The following TRMT9B variants were observed in gnomAD, a reference collection of about 807,000 sequenced individuals.
The protein encoded by TRMT9B is tRNA methyltransferase 9B (putative).
Under a neutral mutation model 11.5 loss-of-function variants are expected in TRMT9B, and 16 were observed. The observed-to-expected ratio is 1.39, with a 90% CI of 0.94 to 2.11. The LOEUF (loss-of-function observed/expected upper bound fraction) is 2.11. TRMT9B is among the 30% of genes most tolerant of loss of function. The pLI is 0.00. For missense variants in TRMT9B, 941 were observed against 553.8 expected, an observed-to-expected ratio of 1.70 and a Z score of -7.02; for synonymous variants, 274 against 192.4, an observed-to-expected ratio of 1.42 and a Z score of -3.51.
Position 13,025,643 on chromosome 8 carries a change from A to G in TRMT9B, c.*3599A>G, listed in dbSNP as rs966626851. On this transcript the variant is annotated 3_prime_UTR_variant, in exon 5 of 5. Coordinates refer to ENST00000524591, the MANE Select transcript of TRMT9B (RefSeq NM_020844.3). ...CAAAGGATGGAATCAAAATAATGTT[A>G]TAGTGAGAATCATTCAAGCACCTAT... The G allele has an allele frequency of 6.0e-6, 1 of 167,116 alleles. No homozygotes were observed. Among genetic ancestry groups the G allele is most frequent in the Non-Finnish European group, 1.5e-5 (1 of 68,130 alleles). The allele number at this position is 167,116 out of a possible 1,614,324, so 10.4% of individuals were successfully genotyped here.
At chr8:13,012,124 TGTG>T in intron 3 of TRMT9B, 1 of 985,692 alleles carries the variant, frequency 1.0e-6, no homozygotes, top group South Asian at 4.7e-5. Context: ...TACTGAGCCC[TGTG>T]GACATCACCT....
At chr8:12,955,773 A>G (rs1035424643) in intron 1 of TRMT9B, among the ~76,000 whole-genome samples, 4 of 152,136 alleles carry the variant, frequency 2.6e-5, no homozygotes, top group African/African-American at 9.7e-5. Context: ...TGCTCACAGG[A>G]AGGTTGGAAT....
chr8:12,964,855 G>A (rs116429358), intron 1 of TRMT9B, among the ~76,000 whole-genome samples: 2 of 152,138 alleles, frequency 1.3e-5, no homozygotes, highest in African/African-American at 4.8e-5. Flanking sequence ...GCCTCCCAAA[G>A]TGCTGGGATT....
chr8:13,012,157 G>T (rs1811730696), intron 3 of TRMT9B: 1 of 985,316 alleles, frequency 1.0e-6, no homozygotes. Context: ...TTCAATAAAT[G>T]TTATTTTTTT....
chr8:12,955,395 T>A (rs1801161375), intron 1 of TRMT9B, among the ~76,000 whole-genome samples: 1 of 152,076 alleles, frequency 6.6e-6, no homozygotes, highest in Non-Finnish European at 1.5e-5. Context: ...ATATGCGTGT[T>A]TTTATTCTCT....
chr8:12,985,740 G>A (rs543153035), intron 1 of TRMT9B, among the ~76,000 whole-genome samples: 3 of 152,016 alleles, frequency 2.0e-5, no homozygotes, highest in Non-Finnish European at 4.4e-5. Flanking sequence ...ACATCTATGG[G>A]ACTTAAGAGT....
At chr8:12,949,468 A>T (rs1342180568) in intron 1 of TRMT9B, among the ~76,000 whole-genome samples, 2 of 152,136 alleles carry the variant, frequency 1.3e-5, no homozygotes, top group Admixed American at 1.3e-4. Context: ...CTGGTGTACA[A>T]ATTTTCTTTA....
At chr8:12,983,453 T>A (rs1805739486) in intron 1 of TRMT9B, among the ~76,000 whole-genome samples, 1 of 152,152 alleles carries the variant, frequency 6.6e-6, no homozygotes, top group Non-Finnish European at 1.5e-5. Context: ...GCAGATTACC[T>A]GAGGTCAGGA....
chr8:12,951,090 A>G (rs979478223), intron 1 of TRMT9B, among the ~76,000 whole-genome samples: 37 of 152,184 alleles, frequency 2.4e-4, no homozygotes, highest in Non-Finnish European at 3.5e-4. Flanking sequence ...TTGTCATAGA[A>G]GCAATGGGGG....
In TRMT9B at chr8:13,027,278, G is replaced by A. The variant is rs1047168960; in HGVS notation, c.*5234G>A. ...CAGGTGCCAAGCTGAAACATTCTTCGTATTCCCTGTGTGCCTATTACCAAG... is the reference window on the plus strand; with the variant it reads ...CAGGTGCCAAGCTGAAACATTCTTCATATTCCCTGTGTGCCTATTACCAAG... On this transcript the variant is annotated 3_prime_UTR_variant, in exon 5 of 5. Coordinates refer to ENST00000524591, the MANE Select transcript of TRMT9B (RefSeq NM_020844.3). 2 of 166,908 alleles carry A rather than the reference G, an allele frequency of 1.2e-5. No homozygotes were observed. Among genetic ancestry groups the A allele is most frequent in the Non-Finnish European group, 2.9e-5 (2 of 68,104 alleles). 10.3% of individuals were successfully genotyped at this position (166,908 alleles called of 1,614,324 possible).
At chr8:13,014,193 G>T (rs746938911) in intron 4 of TRMT9B, among the ~76,000 whole-genome samples, 1 of 152,212 alleles carries the variant, frequency 6.6e-6, no homozygotes, top group Non-Finnish European at 1.5e-5. Context: ...GGTTGCTATG[G>T]AAACTTGCTC....
At chr8:12,975,108 C>T (rs1230324111) in intron 1 of TRMT9B, among the ~76,000 whole-genome samples, 3 of 150,852 alleles carry the variant, frequency 2.0e-5, no homozygotes, top group Non-Finnish European at 4.4e-5. Context: ...AAGAAAATTA[C>T]AGGAGAGAAG....
At chr8:13,018,159 T>C (rs1237818886) in intron 4 of TRMT9B, among the ~76,000 whole-genome samples, 1 of 150,382 alleles carries the variant, frequency 6.6e-6, no homozygotes, top group Non-Finnish European at 1.5e-5. Flanking sequence ...CCCAGCACTT[T>C]GGGAGGCTGA....
intron 1 of TRMT9B, among the ~76,000 whole-genome samples, chr8:12,946,556 G>C (rs1036944337): frequency 6.6e-6 from 1 of 152,304 alleles, no homozygotes; most frequent in East Asian, 1.9e-4. Flanking sequence ...CGAATGTGTT[G>C]ATGTCACCCT....
intron 2 of TRMT9B, among the ~76,000 whole-genome samples, chr8:12,992,028 G>A (rs1328311320): frequency 6.6e-6 from 1 of 152,206 alleles, no homozygotes; most frequent in Admixed American, 6.5e-5. Flanking sequence ...AGTGCCCATT[G>A]ACTCACAGCT....
chr8:12,980,473 C>T (rs1011041524), intron 1 of TRMT9B, among the ~76,000 whole-genome samples: 4 of 152,162 alleles, frequency 2.6e-5, no homozygotes, highest in African/African-American at 9.7e-5. Context: ...TGTGACTACA[C>T]CATCTCACGG....
At chr8:13,002,788 T>C (rs2128887500) in intron 2 of TRMT9B, among the ~76,000 whole-genome samples, 1 of 152,250 alleles carries the variant, frequency 6.6e-6, no homozygotes, top group Non-Finnish European at 1.5e-5. Flanking sequence ...AAAGTCTCTC[T>C]CCATACAGGG....
chr8:13,006,780 T>A, intron 3 of TRMT9B: 2 of 520,378 alleles, frequency 3.8e-6, no homozygotes, highest in Non-Finnish European at 5.6e-6. Flanking sequence ...CTGATTCTCC[T>A]GCCTCAGACT....
chr8:12,972,413 G>C (rs989654780), intron 1 of TRMT9B, among the ~76,000 whole-genome samples: 3 of 152,136 alleles, frequency 2.0e-5, no homozygotes, highest in African/African-American at 7.2e-5. Context: ...TTTTAGGGGT[G>C]TGCAAAAGAG....
Sources: allele counts gnomAD v4.1 joint callset (sites outside exome capture counted in the v4.1 genomes callset), GRCh38; gene constraint gnomAD v4.1.1; transcripts MANE v1.5; gene names NCBI Gene and HGNC (gene_info 2026-07-23, HGNC 2026-07-21).